LRP8: variants seen among roughly 807,000 people sequenced by gnomAD.
LRP8 encodes low-density lipoprotein receptor-related protein 8.
Under a neutral mutation model 111.6 loss-of-function variants are expected in LRP8, and 46 were observed. That is an observed-to-expected ratio of 0.41 (90% CI 0.33 to 0.53). The LOEUF is 0.53. Among genes scored for constraint, LRP8 ranks in the 20% least tolerant of loss-of-function variants. LRP8 has a pLI of 0.20. For missense variants in LRP8, 959 were observed against 1,297.4 expected, an observed-to-expected ratio of 0.74 and a Z score of 4.01; for synonymous variants, 464 against 511.2, an observed-to-expected ratio of 0.91 and a Z score of 1.24.
Position 53,289,564 on chromosome 1 carries a change from C to T in LRP8, c.367+3G>A. ...CCCACCCAGACTGAGGGGCAGGACTCACTGCAAGTGGCCTCGGACTCATCG... is the reference window on the plus strand; with the variant it reads ...CCCACCCAGACTGAGGGGCAGGACTTACTGCAAGTGGCCTCGGACTCATCG... On this transcript the variant is annotated splice_donor_region_variant and intron_variant, in intron 3 of 18. Transcript: ENST00000306052. The T allele has an allele frequency of 6.3e-7, 1 of 1,597,340 alleles. No individual in the cohort carries two copies. Among genetic ancestry groups the T allele is most frequent in the Non-Finnish European group, 8.5e-7 (1 of 1,170,786 alleles).
At chr1:53,325,761 C>G (rs1461344731) in intron 2 of LRP8, among the ~76,000 whole-genome samples, 3 of 152,242 alleles carry the variant, frequency 2.0e-5, no homozygotes, top group South Asian at 4.1e-4. Context: ...CTGTCGCCCT[C>G]CTCCCTCAGA....
intron 14 of LRP8, 39 bp from the exon 15 acceptor site, chr1:53,257,503 A>G: frequency 1.3e-6 from 2 of 1,540,178 alleles, no homozygotes; most frequent in Non-Finnish European, 1.8e-6. Flanking sequence ...TGGACAGATA[A>G]TTTTGTTGCC....
chr1:53,293,143 A>G lies in LRP8; in HGVS notation c.245-3454T>C, dbSNP rs1649095206. 6.6e-6 allele frequency among the ~76,000 whole-genome samples: 1 copy of G among 152,200 alleles called. No homozygotes were observed. The highest frequency in any genetic ancestry group is 2.1e-4 in the South Asian group (1 of 4,832). On this transcript the variant is annotated intron_variant, in intron 2 of 18. Transcript: ENST00000306052. This position sits in a 1 kb window ranked among gnomAD's most constrained non-coding sequence, Gnocchi z 4.9. ...GCACAGGACAACCAGATACCCCCCA[A>G]AAACCCTGCCCTCCCTGGGATTCTG...
chr1:53,328,040 G>T lies in LRP8; in HGVS notation c.-128C>A. 2.4e-6 allele frequency: 1 copy of T among 416,712 alleles called. No homozygotes were observed. The highest frequency in any genetic ancestry group is 3.2e-6 in the Non-Finnish European group (1 of 312,762). 25.8% of individuals were successfully genotyped at this position (416,712 alleles called of 1,614,324 possible). On this transcript the variant is annotated 5_prime_UTR_variant, in exon 1 of 19. Transcript: ENST00000306052. ...CCCCGCCGCCGCCGCCGCCGCCGCT[G>T]CCGCCCGCCCCGGCTCCTCGGCTGC... is the stretch of plus-strand genomic sequence containing the variant.
At chr1:53,298,141 C>T (rs1650094445) in intron 2 of LRP8, among the ~76,000 whole-genome samples, 1 of 152,214 alleles carries the variant, frequency 6.6e-6, no homozygotes, top group Non-Finnish European at 1.5e-5. Context: ...GCACCTCCTC[C>T]AGGCCCCAGT....
At position 53,259,921 on chromosome 1, in the gene LRP8, CT is replaced by C. The variant is rs1260295403; in HGVS notation, c.2056+542del. Among the ~76,000 whole-genome samples the C allele has an allele frequency of 2.6e-5, 4 of 152,344 alleles. 1 individual carries two copies. The highest frequency in any genetic ancestry group is 2.6e-4 in the Admixed American group (4 of 15,310). ...CCCTCTTTCACCCTGGCAGCCAACACTTCAGTTACAGTTAGAATTAATGTAT... is the reference window on the plus strand; with the variant it reads ...CCCTCTTTCACCCTGGCAGCCAACACTCAGTTACAGTTAGAATTAATGTAT... On this transcript the variant is annotated intron_variant, in intron 13 of 18. Transcript: ENST00000306052.
At position 53,303,388 on chromosome 1, in the gene LRP8, C is replaced by T. The variant is rs951003934; in HGVS notation, c.245-13699G>A. On this transcript the variant is annotated intron_variant, in intron 2 of 18. Transcript: ENST00000306052. The surrounding 1 kb of genome is among the most constrained non-coding windows in gnomAD (Gnocchi z 4.3). ...ACCTGGGCCCCAGGGCCATGTGGCC[C>T]AGCCCTTGGATTTCATACATGAGAA... Among the ~76,000 whole-genome samples, 2 of 152,212 alleles carry T rather than the reference C, an allele frequency of 1.3e-5. No homozygotes were observed. The highest frequency in any genetic ancestry group is 4.1e-4 in the South Asian group (2 of 4,828).
At chr1:53,288,288 C>T (rs1262866830) in intron 3 of LRP8, 1 of 152,266 alleles carries the variant, frequency 6.6e-6, no homozygotes, top group Non-Finnish European at 1.5e-5. Flanking sequence ...CATGGGGATC[C>T]TCCTCCTTCC....
intron 2 of LRP8, among the ~76,000 whole-genome samples, chr1:53,290,533 G>A (rs989844164): frequency 6.6e-6 from 1 of 152,140 alleles, no homozygotes; most frequent in Non-Finnish European, 1.5e-5. Flanking sequence ...AAGGAATGGG[G>A]TTCTGTGTCC....
chr1:53,309,029 C>A (rs944189191), intron 2 of LRP8, among the ~76,000 whole-genome samples: 1 of 152,206 alleles, frequency 6.6e-6, no homozygotes, highest in Non-Finnish European at 1.5e-5. Context: ...AATCCCAGCA[C>A]TTTGGGAGGC....
At position 53,242,953 on chromosome 1, in the gene LRP8, A is replaced by C. The variant is rs1645668940; in HGVS notation, c.*4065T>G. On this transcript the variant is annotated 3_prime_UTR_variant, in exon 19 of 19. Transcript: ENST00000306052. ...TTTCTGCTAATTCTTGACTGTGCAC[A>C]TGGTGCATAGCCTGAATGAACAGAG... The C allele has an allele frequency of 6.6e-6, 1 of 152,010 alleles. No homozygotes were observed. Among genetic ancestry groups the C allele is most frequent in the Non-Finnish European group, 1.5e-5 (1 of 68,000 alleles). The allele number at this position is 152,010 out of a possible 1,614,324, so 9.4% of individuals were successfully genotyped here.
chr1:53,289,349 C>T (rs1648201531), intron 3 of LRP8: 1 of 498,514 alleles, frequency 2.0e-6, no homozygotes, highest in Non-Finnish European at 3.3e-6. Context: ...CTCCTGCTGC[C>T]ACAGAAACAG....
chr1:53,290,346 T>C (rs1648474094), intron 2 of LRP8, among the ~76,000 whole-genome samples: 1 of 152,072 alleles, frequency 6.6e-6, no homozygotes, highest in South Asian at 2.1e-4. Context: ...TGTTCCTTAA[T>C]CTCTGAGCCT....
Position 53,327,939 on chromosome 1 carries a change from GCCCCGCGCT to G in LRP8, c.-36_-28del. 1 of 1,151,598 alleles carries G rather than the reference GCCCCGCGCT, an allele frequency of 8.7e-7. No individual in the cohort carries two copies. The allele number at this position is 1,151,598 out of a possible 1,614,324, so 71.3% of individuals were successfully genotyped here. On this transcript the variant is annotated 5_prime_UTR_variant, in exon 1 of 19. Transcript: ENST00000306052. ...GCGGGCCCGGGGCTCCGGCCGCCGCGCCCCGCGCTCCCCGCGCCGCCGCCGCCGCGTCTC... is the reference window on the plus strand; with the variant it reads ...GCGGGCCCGGGGCTCCGGCCGCCGCGCCCCGCGCCGCCGCCGCCGCGTCTC...
Position 53,275,508 on chromosome 1 carries a change from G to T in LRP8, c.1006+123C>A. 1 of 1,318,452 alleles carries T rather than the reference G, an allele frequency of 7.6e-7. No homozygotes were observed. Among genetic ancestry groups the T allele is most frequent in the Non-Finnish European group, 1.1e-6 (1 of 951,954 alleles). The allele number at this position is 1,318,452 out of a possible 1,614,324, so 81.7% of individuals were successfully genotyped here. ...GCCAGGTGATTTAGGGGCAAGTGAT[G>T]CTCTGGGGGAAAATGCATCTTGGGG... On this transcript the variant is annotated intron_variant, in intron 6 of 18. Coordinates refer to ENST00000306052, the MANE Select transcript of LRP8 (RefSeq NM_004631.5). The surrounding 1 kb of genome is among the most constrained non-coding windows in gnomAD (Gnocchi z 4.4).
chr1:53,291,897 GGTTTGCTT>G (rs1648846429), intron 2 of LRP8: 1 of 152,184 alleles, frequency 6.6e-6, no homozygotes, highest in Non-Finnish European at 1.5e-5. Context: ...AGTCCAACAT[GGTTTGCTT>G]TCTTCCCTGT....
At chr1:53,281,205 G>A (rs1036559588) in intron 3 of LRP8, among the ~76,000 whole-genome samples, 5 of 152,136 alleles carry the variant, frequency 3.3e-5, no homozygotes, top group Non-Finnish European at 7.4e-5. Context: ...GGCTCCAATC[G>A]GCCCGCCTCT....
chr1:53,310,174 G>C (rs1260079412), intron 2 of LRP8, among the ~76,000 whole-genome samples: 1 of 150,816 alleles, frequency 6.6e-6, no homozygotes, highest in Non-Finnish European at 1.5e-5. Context: ...GATCCATTTG[G>C]AGACAGCATG....
chr1:53,257,542 G>T, intron 14 of LRP8, 78 bp from the exon 15 acceptor site: 1 of 1,091,076 alleles, frequency 9.2e-7, no homozygotes, highest in Non-Finnish European at 1.4e-6. Context: ...ATATACTTAG[G>T]AACTTATCTT....
Sources: gnomAD v4.1 joint callset for allele counts (sites outside exome capture counted in the v4.1 genomes callset) on GRCh38, gnomAD v4.1.1 for gene constraint, Gnocchi (gnomAD v3.1) non-coding constraint, MANE v1.5 for transcripts, NCBI Gene and HGNC (gene_info 2026-07-23, HGNC 2026-07-21) for gene names.